The following VCP variants were observed in gnomAD, a reference collection of about 807,000 sequenced individuals.
VCP encodes transitional endoplasmic reticulum ATPase.
In VCP, 6 loss-of-function variants were observed where a neutral mutation model predicts 85.7. The ratio of observed to expected loss-of-function variants is 0.07; its 90% CI spans 0.04 to 0.14. The LOEUF (loss-of-function observed/expected upper bound fraction) is 0.14, where lower values mean the gene tolerates loss of function less well. VCP is among the 10% of genes least tolerant of loss of function. The probability of loss-of-function intolerance (pLI) is 1.00; values close to 1 mark genes in which losing one functional copy is unlikely to be tolerated. For missense variants in VCP, 353 were observed against 1,043.4 expected, an observed-to-expected ratio of 0.34 and a Z score of 9.12; for synonymous variants, 384 against 367.1, an observed-to-expected ratio of 1.05 and a Z score of -0.53.
chr9:35,067,988 A>C lies in VCP; in HGVS notation c.205T>G (p.Cys69Gly). 1 of 1,614,238 alleles carries C rather than the reference A, an allele frequency of 6.2e-7. No homozygotes were observed. Among genetic ancestry groups the C allele is most frequent in the Non-Finnish European group, 8.5e-7 (1 of 1,180,048 alleles). ...LKGKKRREAVCIVLSDDTCSD... is the reference protein window; with the variant it reads ...LKGKKRREAVGIVLSDDTCSD... ...CAAGTATCATCAGAAAGGACGATGC[A>C]AACAGCTTCTCGTCTCTTCTTTCCT... Residue 69 changes from cysteine (C) to glycine (G), a missense_variant, in exon 3 of 17, where the codon TGC (cysteine) becomes GGC (glycine). This residue lies in a region of VCP where 69 missense variants were observed against 132.9 expected (regional missense o/e 0.52). Coordinates refer to ENST00000358901, the MANE Select transcript of VCP (RefSeq NM_007126.5).
Position 35,063,066 on chromosome 9 carries a change from G to T in VCP, c.723C>A (p.Ile241=), listed in dbSNP as rs1232968979. The change falls in exon 7 of 17, where the codon ATC becomes ATA. Residue 241 remains isoleucine (I), a synonymous_variant. Coordinates refer to ENST00000358901, the MANE Select transcript of VCP (RefSeq NM_007126.5). ...KAIGVKPPRG[I]LLYGPPGTGK... is the part of the protein sequence containing the mutation. ...CTGTTCCAGGAGGTCCGTAAAGCAGGATTCCTCTAGGAGGCTGTGGACCAA... is the reference window on the plus strand; with the variant it reads ...CTGTTCCAGGAGGTCCGTAAAGCAGTATTCCTCTAGGAGGCTGTGGACCAA... 6.2e-7 allele frequency: 1 copy of T among 1,614,056 alleles called. No homozygotes were observed. Among genetic ancestry groups the T allele is most frequent in the East Asian group, 2.2e-5 (1 of 44,854 alleles).
At chr9:35,065,475 T>C (rs919817708) in intron 4 of VCP, 94 bp from the exon 5 acceptor site, 4 of 1,543,346 alleles carry the variant, frequency 2.6e-6, no homozygotes, top group Non-Finnish European at 3.5e-6. Context: ...GCCAAGCTCA[T>C]TAGATAGTGC....
At position 35,057,504 on chromosome 9, in the gene VCP, A is replaced by C. The variant is rs532023253; in HGVS notation, c.2187T>G (p.Pro729=). The part of the protein sequence containing the change: ...AMEVEEDDPV[P]EIRRDHFEEA... ...CTTCAAAGTGATCTCGACGGATCTCAGGCACTGGATCATCCTCTTCTACCT... is the reference window on the plus strand; with the variant it reads ...CTTCAAAGTGATCTCGACGGATCTCCGGCACTGGATCATCCTCTTCTACCT... Residue 729 remains proline (P), a synonymous_variant, in exon 16 of 17, where the codon CCT becomes CCG. Coordinates refer to ENST00000358901, the MANE Select transcript of VCP (RefSeq NM_007126.5). 9.4e-5 allele frequency: 152 copies of C among 1,612,526 alleles called. 8 individuals carry two copies. The South Asian group carries it at 1.6e-3, about 17-fold the overall frequency.
In VCP at chr9:35,061,000, G is replaced by A. The variant is rs765387767; in HGVS notation, c.1359+15C>T. On this transcript the variant is annotated intron_variant, in intron 11 of 16. Coordinates refer to ENST00000358901, the MANE Select transcript of VCP (RefSeq NM_007126.5). ...GCACGTATGTGTGTACCTGAGGCAC[G>A]GGTGTGGTCCTTACCCGGAAGTCAT... 32 of 1,614,028 alleles carry A rather than the reference G, an allele frequency of 2.0e-5. No homozygotes were observed. The highest frequency in any genetic ancestry group is 2.7e-5 in the African/African-American group (2 of 74,938).
Position 35,059,114 on chromosome 9 carries a change from C to G in VCP, c.2110G>C (p.Glu704Gln). The change falls in exon 15 of 17, where the codon GAG becomes CAG. Residue 704 changes from glutamate (E) to glutamine (Q), a missense_variant. Glu to Gln is a conservative substitution (Grantham distance 29). Transcript: ENST00000358901. The surrounding 1 kb of genome is among the most constrained non-coding windows in gnomAD (Gnocchi z 4.9). ...ACKLAIRESIESEIRRERERQ... is the reference protein window; with the variant it reads ...ACKLAIRESIQSEIRRERERQ... Reference sequence around the variant, plus strand: ...TCTCGTTCTCGCCTAATCTCACTCTCGATGGATTCACGGATGGCCAGCTTG... The same window carrying G: ...TCTCGTTCTCGCCTAATCTCACTCTGGATGGATTCACGGATGGCCAGCTTG... 1.2e-6 allele frequency: 2 copies of G among 1,614,110 alleles called. No individual in the cohort carries two copies. Among genetic ancestry groups the G allele is most frequent in the South Asian group, 2.2e-5 (2 of 91,066 alleles).
intron 1 of VCP, among the ~76,000 whole-genome samples, chr9:35,069,911 C>A (rs548115222): frequency 3.3e-5 from 5 of 152,178 alleles, no homozygotes; most frequent in South Asian, 4.1e-4. Flanking sequence ...ATGTACCAGG[C>A]ATTGTTCTAA....
chr9:35,061,828 C>A (rs1308486668), intron 9 of VCP, 139 bp from the exon 10 acceptor site: 18 of 1,430,934 alleles, frequency 1.3e-5, no homozygotes, highest in African/African-American at 4.2e-5. Flanking sequence ...TCTGGGAAAC[C>A]TTTCAGTCTC....
intron 5 of VCP, 74 bp downstream of exon 5, chr9:35,065,177 G>A: frequency 6.2e-7 from 1 of 1,609,928 alleles, no homozygotes; most frequent in South Asian, 1.1e-5. Context: ...CGAGCACCCA[G>A]TCCTGACAGT....
intron 1 of VCP, among the ~76,000 whole-genome samples, chr9:35,070,645 G>A (rs989289534): frequency 4.4e-4 from 67 of 152,124 alleles, no homozygotes; most frequent in African/African-American, 1.4e-3. Context: ...CATGTTGCCC[G>A]GGCTGGTCTC....
chr9:35,058,617 A>C (rs2131028052), intron 15 of VCP, among the ~76,000 whole-genome samples: 1 of 152,158 alleles, frequency 6.6e-6, no homozygotes, highest in African/African-American at 2.4e-5. Context: ...AATACAAAAA[A>C]CTAGCCGGAC....
chr9:35,069,313 A>T (rs898286081), intron 1 of VCP, among the ~76,000 whole-genome samples: 2 of 151,968 alleles, frequency 1.3e-5, no homozygotes, highest in African/African-American at 4.8e-5. Context: ...CTCTCACCCA[A>T]ATCAAAGTCG....
Position 35,072,470 on chromosome 9 carries a change from G to C in VCP, c.-117C>G. 2 of 1,292,516 alleles carry C rather than the reference G, an allele frequency of 1.5e-6. No individual in the cohort carries two copies. The highest frequency in any genetic ancestry group is 3.8e-5 in the Admixed American group (1 of 26,552). The allele number at this position is 1,292,516 out of a possible 1,614,324, so 80.1% of individuals were successfully genotyped here. On this transcript the variant is annotated 5_prime_UTR_variant, in exon 1 of 17. Coordinates refer to ENST00000358901, the MANE Select transcript of VCP (RefSeq NM_007126.5). The stretch of plus-strand genomic sequence containing the variant: ...TTCCAGGCGGTGGGCGAGCAGCGGC[G>C]ACAAACCCGCAAGCGGCTTCCCTCT...
chr9:35,057,408 G>C lies in VCP; in HGVS notation c.2283C>G (p.Thr761=), dbSNP rs758596783. The C allele has an allele frequency of 6.2e-7, 1 of 1,614,262 alleles. No homozygotes were observed. Among genetic ancestry groups the C allele is most frequent in the East Asian group, 2.2e-5 (1 of 44,894 alleles). ...DIRKYEMFAQ[T]LQQSRGFGSF... is the part of the protein sequence containing the mutation. ...TGCCAAAGCCCCGACTCTGCTGAAG[G>C]GTCTGGGCAAACATCTCATACTTCC... is the stretch of plus-strand genomic sequence containing the variant. Residue 761 remains threonine (T), a synonymous_variant, in exon 16 of 17, where the codon ACC becomes ACG. Transcript: ENST00000358901.
chr9:35,072,488 T>G lies in VCP; in HGVS notation c.-135A>C. 8.5e-7 allele frequency: 1 copy of G among 1,174,518 alleles called. No individual in the cohort carries two copies. The highest frequency in any genetic ancestry group is 1.1e-6 in the Non-Finnish European group (1 of 898,428). The allele number at this position is 1,174,518 out of a possible 1,614,324, so 72.8% of individuals were successfully genotyped here. On this transcript the variant is annotated 5_prime_UTR_variant, in exon 1 of 17. Transcript: ENST00000358901. ...CAGCGGCGACAAACCCGCAAGCGGCTTCCCTCTCGCTTCCTCCCACCGGCA... is the reference window on the plus strand; with the variant it reads ...CAGCGGCGACAAACCCGCAAGCGGCGTCCCTCTCGCTTCCTCCCACCGGCA...
intron 4 of VCP, among the ~76,000 whole-genome samples, chr9:35,066,285 A>G (rs936287588): frequency 5.6e-5 from 8 of 143,264 alleles, no homozygotes; most frequent in African/African-American, 2.1e-4. Flanking sequence ...TTTTTGAGAC[A>G]GAGTCTTGCT....
At chr9:35,061,274 T>G in intron 10 of VCP, 95 bp from the exon 11 acceptor site, 1 of 1,542,730 alleles carries the variant, frequency 6.5e-7, no homozygotes, top group East Asian at 2.3e-5. Context: ...CTGCTATCCC[T>G]GGGTCCTCTC....
chr9:35,065,687 A>G (rs1828814869), intron 4 of VCP, among the ~76,000 whole-genome samples: 1 of 152,178 alleles, frequency 6.6e-6, no homozygotes, highest in African/African-American at 2.4e-5. Context: ...CAATGGTAGA[A>G]CTGTGCACTC....
At position 35,060,439 on chromosome 9, in the gene VCP, C is replaced by A. The variant is rs748378458; in HGVS notation, c.1569G>T (p.Gly523=). The change falls in exon 13 of 17, where the codon GGG becomes GGT. Residue 523 remains glycine, a synonymous_variant. Transcript: ENST00000358901. ...GVLFYGPPGC[G]KTLLAKAIAN... ...CAATGGCTTTGGCCAACAAAGTTTT[C>A]CCACAGCCAGGAGGTCCATAGAACA... 4 of 1,614,220 alleles carry A rather than the reference C, an allele frequency of 2.5e-6. No individual in the cohort carries two copies. Among genetic ancestry groups the A allele is most frequent in the Non-Finnish European group, 3.4e-6 (4 of 1,180,054 alleles).
Position 35,059,304 on chromosome 9 carries a change from TAC to T in VCP, c.2005-87_2005-86del. The T allele has an allele frequency of 1.3e-6, 2 of 1,588,580 alleles. No individual in the cohort carries two copies. The highest frequency in any genetic ancestry group is 1.7e-4 in the Middle Eastern group (1 of 6,028). ...TTTGGGCTACCCGAGCACTCCCAAC[TAC>T]AGTTTGCCCCTTCTTTGGCCACCCC... On this transcript the variant is annotated intron_variant, in intron 14 of 16. Transcript: ENST00000358901. The surrounding 1 kb of genome is among the most constrained non-coding windows in gnomAD (Gnocchi z 4.9).
Sources: allele counts gnomAD v4.1 joint callset (sites outside exome capture counted in the v4.1 genomes callset), GRCh38; gene constraint gnomAD v4.1.1; regional missense constraint gnomAD v4.1.1; non-coding constraint Gnocchi (gnomAD v3.1); transcripts MANE v1.5; gene names NCBI Gene and HGNC (gene_info 2026-07-23, HGNC 2026-07-21).